The following AUTS2 variants were observed in gnomAD, a reference collection of about 807,000 sequenced individuals.
The protein encoded by AUTS2 is autism susceptibility gene 2 protein.
AUTS2 carries 17 observed loss-of-function variants against 112.4 expected under a neutral mutation model. The observed-to-expected ratio is 0.15, with a 90% CI of 0.10 to 0.23. The LOEUF (loss-of-function observed/expected upper bound fraction) is 0.23. AUTS2 is among the 10% of genes least tolerant of loss of function. AUTS2 has a pLI of 1.00. For synonymous variants in AUTS2, 751 were observed against 702.7 expected (o/e 1.07, Z -1.09); for missense variants, 1,510 against 1,701.6 (o/e 0.89, Z 1.98).
At chr7:70,693,799 G>T (rs1017082426) in intron 5 of AUTS2, among the ~76,000 whole-genome samples, 2 of 152,238 alleles carry the variant, frequency 1.3e-5, no homozygotes, top group Non-Finnish European at 2.9e-5. Context: ...CGGCAACTGC[G>T]GGGAGGGCGA....
At chr7:70,248,997 G>A (rs1670377850) in intron 4 of AUTS2, among the ~76,000 whole-genome samples, 2 of 151,990 alleles carry the variant, frequency 1.3e-5, no homozygotes. Flanking sequence ...ATATTTTTTA[G>A]AGAATTTTTA....
At chr7:69,841,403 C>G (rs1791974236) in intron 1 of AUTS2, among the ~76,000 whole-genome samples, 1 of 152,080 alleles carries the variant, frequency 6.6e-6, no homozygotes, top group Admixed American at 6.6e-5. Flanking sequence ...CAAGAACTCA[C>G]TATCACAAAG....
rs150352682 is a variant in AUTS2 at position 70,085,791 on chromosome 7, T to C, written c.523-32341T>C. 5.1e-3 allele frequency among the ~76,000 whole-genome samples: 778 copies of C among 152,332 alleles called. 14 individuals carry two copies. The highest frequency in any genetic ancestry group is 0.017 in the African/African-American group (726 of 41,564). Reference sequence around the variant, plus strand: ...GTTTATTTACATGTAGGCCTAATTTTCTTCCTTTTTACTAATCAATTTGTC... The same window carrying C: ...GTTTATTTACATGTAGGCCTAATTTCCTTCCTTTTTACTAATCAATTTGTC... On this transcript the variant is annotated intron_variant, in intron 2 of 18. Transcript: ENST00000342771.
intron 4 of AUTS2, among the ~76,000 whole-genome samples, chr7:70,166,199 GA>G (rs1246581345): frequency 2.0e-5 from 3 of 152,248 alleles, no homozygotes; most frequent in Non-Finnish European, 4.4e-5. Flanking sequence ...AGCAGTGTGA[GA>G]ATGGACCAAT....
chr7:70,019,590 A>G (rs775015865), intron 2 of AUTS2, among the ~76,000 whole-genome samples: 1 of 152,186 alleles, frequency 6.6e-6, no homozygotes, highest in Non-Finnish European at 1.5e-5. Context: ...TAGGCTCTGA[A>G]GCTGAAGCCT....
chr7:69,709,415 G>C lies in AUTS2; in HGVS notation c.309+109453G>C, dbSNP rs193247617. On this transcript the variant is annotated intron_variant, in intron 1 of 18. Coordinates refer to ENST00000342771, the MANE Select transcript of AUTS2 (RefSeq NM_015570.4). ...GCAGAGTAAGTTAGCCTGAGCAGGAGGATGGAGTTCTGCAGTACAGCCGGA... is the reference window on the plus strand; with the variant it reads ...GCAGAGTAAGTTAGCCTGAGCAGGACGATGGAGTTCTGCAGTACAGCCGGA... 6.6e-5 allele frequency among the ~76,000 whole-genome samples: 10 copies of C among 152,288 alleles called. No homozygotes were observed. The East Asian group carries it at 1.9e-3, about 29-fold the overall frequency.
intron 5 of AUTS2, among the ~76,000 whole-genome samples, chr7:70,666,694 C>T (rs1158363900): frequency 6.6e-6 from 1 of 152,026 alleles, no homozygotes; most frequent in Non-Finnish European, 1.5e-5. Context: ...TTTCTGTGCA[C>T]CCCCAAGGAC....
chr7:70,343,474 T>G (rs766977616), intron 4 of AUTS2, among the ~76,000 whole-genome samples: 1 of 152,292 alleles, frequency 6.6e-6, no homozygotes, highest in Non-Finnish European at 1.5e-5. Flanking sequence ...TGAGAACGCA[T>G]GGATGGAAAG....
At chr7:70,695,192 C>T (rs887644933) in intron 5 of AUTS2, 11 of 152,398 alleles carry the variant, frequency 7.2e-5, no homozygotes, top group African/African-American at 2.4e-4. Context: ...CGCCCAAGCG[C>T]CCCTTCGCTA....
At chr7:70,392,294 C>T (rs1032142890) in intron 4 of AUTS2, among the ~76,000 whole-genome samples, 1 of 152,152 alleles carries the variant, frequency 6.6e-6, no homozygotes, top group East Asian at 1.9e-4. Context: ...ACAGCAGAAA[C>T]TCATCCATGA....
At chr7:70,648,056 G>A (rs556163445) in intron 5 of AUTS2, among the ~76,000 whole-genome samples, 12 of 152,240 alleles carry the variant, frequency 7.9e-5, no homozygotes, top group South Asian at 2.1e-4. Flanking sequence ...GGCAGGTACC[G>A]AACCTTTCTT....
chr7:70,230,351 T>A (rs1399207873), intron 4 of AUTS2, among the ~76,000 whole-genome samples: 1 of 152,216 alleles, frequency 6.6e-6, no homozygotes, highest in Non-Finnish European at 1.5e-5. Context: ...CTGTTGTCTC[T>A]ACTCCATTGA....
chr7:70,634,629 C>T (rs926261204), intron 5 of AUTS2, among the ~76,000 whole-genome samples: 1 of 152,108 alleles, frequency 6.6e-6, no homozygotes, highest in Non-Finnish European at 1.5e-5. Context: ...GTGTCAAGGG[C>T]GATAACCACG....
At chr7:69,971,624 C>A (rs1350805032) in intron 2 of AUTS2, among the ~76,000 whole-genome samples, 1 of 152,130 alleles carries the variant, frequency 6.6e-6, no homozygotes, top group Non-Finnish European at 1.5e-5. Flanking sequence ...CCTTCACAAC[C>A]CCCATCATTA....
chr7:70,328,602 T>A (rs919165228), intron 4 of AUTS2, among the ~76,000 whole-genome samples: 2 of 152,160 alleles, frequency 1.3e-5, no homozygotes, highest in Admixed American at 1.3e-4. Context: ...TGGGTTAAGC[T>A]GGTGGGCTAG....
chr7:69,911,852 C>T (rs900714715), intron 2 of AUTS2, among the ~76,000 whole-genome samples: 1 of 152,180 alleles, frequency 6.6e-6, no homozygotes, highest in Non-Finnish European at 1.5e-5. Context: ...CGGCAGACTC[C>T]ACCGGGAACT....
At chr7:70,669,402 G>A (rs1807519560) in intron 5 of AUTS2, among the ~76,000 whole-genome samples, 1 of 152,206 alleles carries the variant, frequency 6.6e-6, no homozygotes, top group Non-Finnish European at 1.5e-5. Context: ...GCTTTCTTCT[G>A]CCCTACAGAG....
chr7:70,790,629 A>C lies in AUTS2; in HGVS notation c.3413A>C (p.Asp1138Ala). Residue 1138 changes from aspartate (D) to alanine (A), a missense_variant, in exon 19 of 19, where the codon GAC becomes GCC. Transcript: ENST00000342771. This position sits in a 1 kb window ranked among gnomAD's most constrained non-coding sequence, Gnocchi z 7.6. ...HHHHHHPLSV[D>A]PRREHERGGH... Reference sequence around the variant, plus strand: ...CACCACCACCACCCGCTGTCTGTGGACCCTCGGCGGGAGCACGAGCGGGGA... The same window carrying C: ...CACCACCACCACCCGCTGTCTGTGGCCCCTCGGCGGGAGCACGAGCGGGGA... 1 of 1,611,526 alleles carries C rather than the reference A, an allele frequency of 6.2e-7. No individual in the cohort carries two copies. The highest frequency in any genetic ancestry group is 8.5e-7 in the Non-Finnish European group (1 of 1,179,214).
At chr7:70,657,684 T>G (rs183170544) in intron 5 of AUTS2, among the ~76,000 whole-genome samples, 1 of 152,330 alleles carries the variant, frequency 6.6e-6, no homozygotes, top group East Asian at 1.9e-4. Flanking sequence ...CACTAAGGGA[T>G]CTGAGCTGTA....
Sources: gnomAD v4.1 joint callset for allele counts (sites outside exome capture counted in the v4.1 genomes callset) on GRCh38, gnomAD v4.1.1 for gene constraint, Gnocchi (gnomAD v3.1) non-coding constraint, MANE v1.5 for transcripts, NCBI Gene and HGNC (gene_info 2026-07-23, HGNC 2026-07-21) for gene names.